Variants in NAV2 observed in about 807,000 individuals in gnomAD.
The protein encoded by NAV2 is neuron navigator 2.
Under a neutral mutation model 223.2 loss-of-function variants are expected in NAV2, and 54 were observed. The ratio of observed to expected loss-of-function variants is 0.24; its 90% CI spans 0.19 to 0.30. NAV2 has a LOEUF of 0.30. Ranked by LOEUF, NAV2 falls within the 10% of genes least tolerant of loss-of-function variation. The pLI is 1.00. For synonymous variants in NAV2, 1,279 were observed against 1,239.3 expected (o/e 1.03, Z -0.67); for missense variants, 2,806 against 3,147.5 (o/e 0.89, Z 2.60).
At chr11:19,944,143 G>A (rs1591358607) in intron 8 of NAV2, among the ~76,000 whole-genome samples, 1 of 152,202 alleles carries the variant, frequency 6.6e-6, no homozygotes, top group East Asian at 1.9e-4. Flanking sequence ...GGAGGTTGCA[G>A]TGAGCTGAGA....
At chr11:20,014,335 T>C (rs990953631) in intron 11 of NAV2, among the ~76,000 whole-genome samples, 3 of 152,172 alleles carry the variant, frequency 2.0e-5, no homozygotes, top group African/African-American at 4.8e-5. Flanking sequence ...TCCATCTTAA[T>C]AGAGATAACA....
At chr11:19,823,528 A>G (rs1479414608) in intron 1 of NAV2, among the ~76,000 whole-genome samples, 1 of 151,962 alleles carries the variant, frequency 6.6e-6, no homozygotes, top group African/African-American at 2.4e-5. Context: ...TTTTGTAGAG[A>G]CAGGGTTTCA....
At chr11:19,535,075 T>C (rs1020740287) in intron 1 of NAV2, among the ~76,000 whole-genome samples, 1 of 151,784 alleles carries the variant, frequency 6.6e-6, no homozygotes, top group African/African-American at 2.4e-5. Flanking sequence ...AAGGAGCCAG[T>C]AGAGATTTTC....
chr11:19,952,799 T>G (rs566272635), intron 10 of NAV2, among the ~76,000 whole-genome samples: 6 of 152,318 alleles, frequency 3.9e-5, no homozygotes, highest in African/African-American at 1.4e-4. Context: ...GGGCTGAAAT[T>G]ACTTTATTAC....
At chr11:19,879,453 C>G (rs756776144) in intron 4 of NAV2, among the ~76,000 whole-genome samples, 1 of 152,064 alleles carries the variant, frequency 6.6e-6, no homozygotes, top group Non-Finnish European at 1.5e-5. Context: ...ACAGCAGCCA[C>G]TTGGCACACT....
intron 4 of NAV2, among the ~76,000 whole-genome samples, chr11:19,878,003 A>G (rs1236660410): frequency 6.6e-6 from 1 of 152,054 alleles, no homozygotes; most frequent in Non-Finnish European, 1.5e-5. Flanking sequence ...TAGTGTGGGG[A>G]AGGAAGCATG....
intron 1 of NAV2, among the ~76,000 whole-genome samples, chr11:19,754,517 G>C (rs1252345566): frequency 6.6e-6 from 1 of 152,192 alleles, no homozygotes; most frequent in Non-Finnish European, 1.5e-5. Flanking sequence ...GAGGGCTGAG[G>C]CTGAAGCAAA....
intron 11 of NAV2, among the ~76,000 whole-genome samples, chr11:20,024,637 C>T (rs1222926155): frequency 6.6e-6 from 1 of 152,240 alleles, no homozygotes; most frequent in Non-Finnish European, 1.5e-5. Context: ...TTTCCTCTTA[C>T]CCCAAGAAAG....
intron 2 of NAV2, 36 bp from the exon 3 acceptor site, chr11:19,842,835 G>A (rs1188442460): frequency 1.9e-6 from 3 of 1,607,146 alleles, no homozygotes; most frequent in Non-Finnish European, 2.6e-6. Context: ...TGTCTCTCTG[G>A]TGATTTATTT....
chr11:19,958,107 C>T (rs1245676538), intron 10 of NAV2, among the ~76,000 whole-genome samples: 4 of 151,978 alleles, frequency 2.6e-5, no homozygotes, highest in African/African-American at 9.7e-5. Context: ...GTTGAGAGGC[C>T]TCCAAATGGG....
chr11:19,850,718 T>G (rs191058403), intron 3 of NAV2, among the ~76,000 whole-genome samples: 17 of 152,318 alleles, frequency 1.1e-4, no homozygotes, highest in African/African-American at 3.6e-4. Flanking sequence ...TTTATTGAGT[T>G]TTTTGTGTTG....
chr11:19,577,132 G>T (rs1050201899), intron 1 of NAV2, among the ~76,000 whole-genome samples: 8 of 152,244 alleles, frequency 5.3e-5, no homozygotes, highest in African/African-American at 1.9e-4. Context: ...AGTGTGCATG[G>T]ATTATCACCA....
At chr11:19,840,370 C>T (rs1016368051) in intron 2 of NAV2, among the ~76,000 whole-genome samples, 1 of 152,164 alleles carries the variant, frequency 6.6e-6, no homozygotes, top group African/African-American at 2.4e-5. Context: ...TTAGACCAAG[C>T]CCTTTGGTTT....
intron 19 of NAV2, among the ~76,000 whole-genome samples, chr11:20,057,295 A>G (rs1348939117): frequency 2.6e-5 from 4 of 152,318 alleles, no homozygotes; most frequent in African/African-American, 9.6e-5. Flanking sequence ...AGTTTTAAAG[A>G]ATGTATTTAC....
At position 19,895,104 on chromosome 11, in the gene NAV2, C is replaced by CTTTTTTTTTTTTTTTTTTTTTTTTT. The variant is rs71050690; in HGVS notation, c.931+2533_931+2534insTTTTTTTTTTTTTTTTTTTTTTTTT. Among the ~76,000 whole-genome samples the CTTTTTTTTTTTTTTTTTTTTTTTTT allele has an allele frequency of 1.0e-4, 10 of 99,208 alleles. 1 individual carries two copies. The highest frequency in any genetic ancestry group is 3.8e-4 in the South Asian group (1 of 2,640). The allele number at this position is 99,208 out of a possible 152,430, so 65.1% of individuals were successfully genotyped here. A position where few individuals can be genotyped will look rare whatever the true frequency, so the allele number is the denominator to read the frequency against. ...CTTTCTTTTCTTTTTCTTTTTCTTT[C>CTTTTTTTTTTTTTTTTTTTTTTTTT]TTTTTTTTTTTTTTTTTTTTTTTGA... On this transcript the variant is annotated intron_variant, in intron 6 of 37. Coordinates refer to ENST00000349880, the MANE Select transcript of NAV2 (RefSeq NM_145117.5).
chr11:19,397,425 A>ATGTGTG (rs1849506661), intron 1 of NAV2, among the ~76,000 whole-genome samples: 2 of 141,454 alleles, frequency 1.4e-5, no homozygotes, highest in Non-Finnish European at 3.2e-5. Context: ...GTGTGCGCGC[A>ATGTGTG]TGTGTGTGTA....
At chr11:19,911,022 T>G (rs1007004429) in intron 6 of NAV2, among the ~76,000 whole-genome samples, 2 of 150,676 alleles carry the variant, frequency 1.3e-5, no homozygotes, top group African/African-American at 5.0e-5. Context: ...ATCATCATTT[T>G]GCAAGCACAT....
intron 1 of NAV2, among the ~76,000 whole-genome samples, chr11:19,433,561 A>G (rs1851108283): frequency 6.6e-6 from 1 of 152,250 alleles, no homozygotes; most frequent in African/African-American, 2.4e-5. Flanking sequence ...CTATTTTCAG[A>G]GCAGCAAATG....
At chr11:19,780,024 A>T (rs1333513353) in intron 1 of NAV2, among the ~76,000 whole-genome samples, 9 of 152,178 alleles carry the variant, frequency 5.9e-5, no homozygotes, top group Admixed American at 5.9e-4. Context: ...TTGAAAATGC[A>T]TTGTTTTGTT....
Sources: gnomAD v4.1 joint callset for allele counts (sites outside exome capture counted in the v4.1 genomes callset) on GRCh38, gnomAD v4.1.1 for gene constraint, MANE v1.5 for transcripts, NCBI Gene and HGNC (gene_info 2026-07-23, HGNC 2026-07-21) for gene names.